Variants in RNF31 observed in about 807,000 individuals in gnomAD.
RNF31 encodes ring finger protein 31, also known as E3 ubiquitin-protein ligase RNF31.
RNF31 carries 38 observed loss-of-function variants against 133.6 expected under a neutral mutation model. That is an observed-to-expected ratio of 0.28 (90% confidence interval 0.22 to 0.37). RNF31 has a LOEUF of 0.37. Ranked by LOEUF, RNF31 falls within the 10% of genes least tolerant of loss-of-function variation. RNF31 has a pLI of 1.00. For synonymous variants in RNF31, 582 were observed against 552.3 expected, an observed-to-expected ratio of 1.05 and a Z score of -0.75; for missense variants, 1,118 against 1,394.1, an observed-to-expected ratio of 0.80 and a Z score of 3.15.
At chr14:24,148,514 C>T in intron 3 of RNF31, 101 bp downstream of exon 3, 1 of 1,592,836 alleles carries the variant, frequency 6.3e-7, no homozygotes, top group East Asian at 2.2e-5. Context: ...GAACTATGGG[C>T]ATAGTTCAGC....
At position 24,149,452 on chromosome 14, in the gene RNF31, A is replaced by G; in HGVS notation, c.678A>G (p.Thr226=). The G allele has an allele frequency of 6.2e-7, 1 of 1,614,092 alleles. No individual in the cohort carries two copies. Among genetic ancestry groups the G allele is most frequent in the Non-Finnish European group, 8.5e-7 (1 of 1,180,002 alleles). Reference sequence around the variant, plus strand: ...TCCTCTGTGGTTCTGCCCCAGGCACACTGCACTGCCCATCCTGTAAACAGG... The same window carrying G: ...TCCTCTGTGGTTCTGCCCCAGGCACGCTGCACTGCCCATCCTGTAAACAGG... The part of the protein sequence containing the change: ...PCFLCGSAPG[T]LHCPSCKQAL... Residue 226 remains threonine (T), a synonymous_variant, in exon 6 of 21, where the codon ACA becomes ACG. Transcript: ENST00000324103.
At chr14:24,158,608 C>A in intron 18 of RNF31, 1 of 189,752 alleles carries the variant, frequency 5.3e-6, no homozygotes, top group Non-Finnish European at 1.1e-5. Context: ...GGTAAGTCTA[C>A]AGTCCATACC....
chr14:24,158,905 C>T (rs1012919072), intron 18 of RNF31, among the ~76,000 whole-genome samples: 20 of 151,462 alleles, frequency 1.3e-4, no homozygotes, highest in Non-Finnish European at 2.4e-4. Context: ...TGGTGGCGGG[C>T]GCCTGTAGTC....
In RNF31 at chr14:24,147,513, C is replaced by G. The variant is rs941135595; in HGVS notation, c.-186C>G. The G allele has an allele frequency of 1.5e-5, 7 of 472,004 alleles. No individual in the cohort carries two copies. Among genetic ancestry groups the G allele is most frequent in the Non-Finnish European group, 2.5e-5 (7 of 280,844 alleles). 29.2% of individuals were successfully genotyped at this position (472,004 alleles called of 1,614,324 possible). On this transcript the variant is annotated 5_prime_UTR_variant, in exon 1 of 21. Transcript: ENST00000324103. ...ACCCTCTCTCCTAGTACTTCCTGTT[C>G]TCGGCTAACCCTGGCGCTGGGCCGG...
At chr14:24,148,754 C>T in intron 4 of RNF31, 47 bp from the exon 5 acceptor site, 1 of 1,612,796 alleles carries the variant, frequency 6.2e-7, no homozygotes, top group Non-Finnish European at 8.5e-7. Flanking sequence ...AATTGTGAGA[C>T]TCTGTGTCCC....
Position 24,149,389 on chromosome 14 carries a change from T to C in RNF31, c.632-17T>C. 6.2e-7 allele frequency: 1 copy of C among 1,604,094 alleles called. No homozygotes were observed. ...TGGTCTTTTTTGGAAAGATGTTCCA[T>C]CTCTCCTGCCCTCCAGGCTCCACTC... On this transcript the variant is annotated splice_polypyrimidine_tract_variant and intron_variant, in intron 5 of 20. Coordinates refer to ENST00000324103, the MANE Select transcript of RNF31 (RefSeq NM_017999.5).
At chr14:24,156,778 CAAA>C (rs901356904) in intron 14 of RNF31, among the ~76,000 whole-genome samples, 1 of 122,274 alleles carries the variant, frequency 8.2e-6, no homozygotes, top group Non-Finnish European at 1.8e-5. Flanking sequence ...GACTCCATCT[CAAA>C]AAAAAAAAAA....
intron 11 of RNF31, among the ~76,000 whole-genome samples, chr14:24,153,409 T>A (rs1046325661): frequency 6.6e-6 from 1 of 151,822 alleles, no homozygotes; most frequent in Non-Finnish European, 1.5e-5. Flanking sequence ...AAACCCCGTC[T>A]CTACTAAAAA....
intron 18 of RNF31, among the ~76,000 whole-genome samples, chr14:24,159,528 A>G (rs2038408849): frequency 6.6e-6 from 1 of 151,686 alleles, no homozygotes; most frequent in African/African-American, 2.4e-5. Context: ...TAAAAATAAA[A>G]AAAAGAGGTA....
At chr14:24,153,733 G>A (rs1207689026) in intron 11 of RNF31, among the ~76,000 whole-genome samples, 1 of 151,800 alleles carries the variant, frequency 6.6e-6, no homozygotes, top group Non-Finnish European at 1.5e-5. Context: ...GTGAAACCCT[G>A]TCTCTACAAA....
intron 11 of RNF31, among the ~76,000 whole-genome samples, chr14:24,153,964 A>G (rs920580250): frequency 3.9e-5 from 6 of 152,206 alleles, no homozygotes; most frequent in Admixed American, 6.5e-5. Flanking sequence ...AATAGTGCAT[A>G]GAGTCCTGTG....
intron 11 of RNF31, among the ~76,000 whole-genome samples, chr14:24,154,501 C>T (rs1453205421): frequency 6.6e-6 from 1 of 152,186 alleles, no homozygotes; most frequent in African/African-American, 2.4e-5. Flanking sequence ...TGGTCTCGAA[C>T]TCCTAGCCTC....
chr14:24,148,904 G>C (rs747252230), intron 5 of RNF31, 28 bp downstream of exon 5: 1 of 1,570,284 alleles, frequency 6.4e-7, no homozygotes, highest in Non-Finnish European at 8.8e-7. Context: ...TTGGGGACCA[G>C]GTAGGAAGCT....
rs376896874 is a variant in RNF31 at position 24,155,594 on chromosome 14, C to T, written c.2404-9C>T. Reference sequence around the variant, plus strand: ...GGCCTTTGATAACTTTATGCTCTTGCACTTCCAGTGCTCCTTTGGCTTCAT... The same window carrying T: ...GGCCTTTGATAACTTTATGCTCTTGTACTTCCAGTGCTCCTTTGGCTTCAT... On this transcript the variant is annotated splice_polypyrimidine_tract_variant and intron_variant, in intron 13 of 20. Coordinates refer to ENST00000324103, the MANE Select transcript of RNF31 (RefSeq NM_017999.5). The surrounding 1 kb of genome is among the most constrained non-coding windows in gnomAD (Gnocchi z 4.9). 6.0e-5 allele frequency: 97 copies of T among 1,613,998 alleles called. No individual in the cohort carries two copies. Among genetic ancestry groups the T allele is most frequent in the Non-Finnish European group, 7.7e-5 (91 of 1,179,958 alleles).
intron 14 of RNF31, among the ~76,000 whole-genome samples, chr14:24,156,719 C>T (rs2038345419): frequency 6.6e-6 from 1 of 151,338 alleles, no homozygotes; most frequent in South Asian, 2.1e-4. Flanking sequence ...GTGGAGGCTG[C>T]AGTGAGCCAA....
Position 24,158,332 on chromosome 14 carries a change from C to T in RNF31, c.2899+133C>T, listed in dbSNP as rs34993031. ...TGGCAAGTTAATTGAGACCCAAGGC[C>T]TTGTTTCTTCCGCTGTAAAATGGAG... On this transcript the variant is annotated intron_variant, in intron 18 of 20. Transcript: ENST00000324103. 9.6e-3 allele frequency: 7,445 copies of T among 771,716 alleles called. 48 individuals carry two copies. The highest frequency in any genetic ancestry group is 0.012 in the Non-Finnish European group (5,530 of 476,992). 47.8% of individuals were successfully genotyped at this position (771,716 alleles called of 1,614,324 possible). A position where few individuals can be genotyped will look rare whatever the true frequency, so the allele number is the denominator to read the frequency against.
In RNF31 at chr14:24,148,782, C is replaced by T; in HGVS notation, c.556-19C>T. On this transcript the variant is annotated intron_variant, in intron 4 of 20. Transcript: ENST00000324103. ...TGTGTCCCTAAACCCTTATTCATTC[C>T]CTGCCCTTTCTTTTTCAGATGCTGC... The T allele has an allele frequency of 3.7e-6, 6 of 1,614,008 alleles. No individual in the cohort carries two copies. The highest frequency in any genetic ancestry group is 4.2e-6 in the Non-Finnish European group (5 of 1,179,940).
At chr14:24,158,064 A>G in intron 17 of RNF31, 53 bp downstream of exon 17, 1 of 1,610,610 alleles carries the variant, frequency 6.2e-7, no homozygotes, top group East Asian at 2.2e-5. Context: ...GCAAGAATGG[A>G]AAAGGCTCCG....
At chr14:24,154,911 GGAATAT>G in intron 11 of RNF31, 1 of 538,706 alleles carries the variant, frequency 1.9e-6, no homozygotes, top group Admixed American at 3.4e-5. Flanking sequence ...TATATTTAAT[GGAATAT>G]GAATGTTTTT....
Sources: gnomAD v4.1 joint callset for allele counts (sites outside exome capture counted in the v4.1 genomes callset) on GRCh38, gnomAD v4.1.1 for gene constraint, Gnocchi (gnomAD v3.1) non-coding constraint, MANE v1.5 for transcripts, NCBI Gene and HGNC (gene_info 2026-07-23, HGNC 2026-07-21) for gene names.